The following OPCML variants were observed in gnomAD, a reference collection of about 807,000 sequenced individuals.
OPCML encodes the protein opioid binding protein/cell adhesion molecule like.
In OPCML, 13 loss-of-function variants were observed where a neutral mutation model predicts 37.8. The observed-to-expected ratio is 0.34, with a 90% CI of 0.22 to 0.55. The LOEUF is 0.55. Among genes scored for constraint, OPCML ranks in the 20% least tolerant of loss-of-function variants. The pLI is 0.91. For synonymous variants in OPCML, 176 were observed against 168.8 expected, an observed-to-expected ratio of 1.04 and a Z score of -0.33; for missense variants, 341 against 435.6, an observed-to-expected ratio of 0.78 and a Z score of 1.93.
intron 2 of OPCML, among the ~76,000 whole-genome samples, chr11:132,851,191 G>A (rs992741457): frequency 1.3e-5 from 2 of 152,202 alleles, no homozygotes; most frequent in African/African-American, 4.8e-5. Context: ...CCAATATCTT[G>A]AAATATCCTT....
chr11:132,886,724 G>A (rs773428106), intron 2 of OPCML, among the ~76,000 whole-genome samples: 19 of 152,204 alleles, frequency 1.2e-4, no homozygotes, highest in Non-Finnish European at 2.4e-4. Flanking sequence ...TGGGGGAGTC[G>A]TGGCCAGCTG....
intron 2 of OPCML, among the ~76,000 whole-genome samples, chr11:132,873,443 C>G (rs1398619544): frequency 1.3e-5 from 2 of 152,122 alleles, no homozygotes; most frequent in Non-Finnish European, 2.9e-5. Flanking sequence ...TTACTGCGCC[C>G]TTTCCCTGAG....
chr11:132,653,257 A>G (rs1225986540), intron 3 of OPCML, among the ~76,000 whole-genome samples: 1 of 152,188 alleles, frequency 6.6e-6, no homozygotes, highest in African/African-American at 2.4e-5. Context: ...CTTTCCAGGT[A>G]TGAGGATGAA....
intron 2 of OPCML, among the ~76,000 whole-genome samples, chr11:132,883,103 C>T (rs1236558755): frequency 6.6e-6 from 1 of 152,130 alleles, no homozygotes; most frequent in East Asian, 1.9e-4. Context: ...GCAAGGTACT[C>T]CCGGAAGGAA....
At chr11:133,137,910 A>G (rs1949715284) in intron 1 of OPCML, among the ~76,000 whole-genome samples, 1 of 152,190 alleles carries the variant, frequency 6.6e-6, no homozygotes, top group African/African-American at 2.4e-5. Flanking sequence ...AATTACATGC[A>G]CCAAGAAGCT....
At chr11:133,035,343 A>G (rs1415527985) in intron 1 of OPCML, among the ~76,000 whole-genome samples, 1 of 152,194 alleles carries the variant, frequency 6.6e-6, no homozygotes, top group Non-Finnish European at 1.5e-5. Flanking sequence ...CTCCATCTTC[A>G]GGTTCAGTCC....
At chr11:133,358,347 A>T (rs547311446) in intron 1 of OPCML, among the ~76,000 whole-genome samples, 187 of 152,290 alleles carry the variant, frequency 1.2e-3, no homozygotes, top group African/African-American at 4.2e-3. Flanking sequence ...CTCTGACTAG[A>T]TACTTGATAA....
intron 4 of OPCML, among the ~76,000 whole-genome samples, chr11:132,445,799 G>T (rs935051508): frequency 6.6e-6 from 1 of 152,166 alleles, no homozygotes; most frequent in Non-Finnish European, 1.5e-5. Flanking sequence ...ATGCTCCCAG[G>T]CTTCCTCTGC....
rs1946739592 is a variant in OPCML, at chr11:133,458,340, AT to A, written c.61+73923del. On this transcript the variant is annotated intron_variant, in intron 1 of 7. Coordinates refer to ENST00000524381, the MANE Select transcript of OPCML (RefSeq NM_001012393.5). ...TACACGTGTGTGTATATATATACAC[AT>A]ATATACACGTGTGTGTATATATATA... is the stretch of plus-strand genomic sequence containing the variant. Among the ~76,000 whole-genome samples the A allele has an allele frequency of 1.7e-4, 2 of 11,790 alleles. 1 individual carries two copies. Among genetic ancestry groups the A allele is most frequent in the African/African-American group, 3.0e-3 (2 of 664 alleles). 7.7% of individuals were successfully genotyped at this position (11,790 alleles called of 152,430 possible).
intron 1 of OPCML, among the ~76,000 whole-genome samples, chr11:133,451,876 C>T (rs1946586958): frequency 2.0e-5 from 3 of 151,184 alleles, no homozygotes; most frequent in Admixed American, 2.0e-4. Context: ...TCTGGCTGAT[C>T]TCTGAATGCC....
intron 3 of OPCML, among the ~76,000 whole-genome samples, chr11:132,589,994 C>T (rs2096481743): frequency 6.6e-6 from 1 of 152,084 alleles, no homozygotes; most frequent in African/African-American, 2.4e-5. Flanking sequence ...GCCAGCTGGG[C>T]TTAGTTTGCT....
At chr11:132,511,867 C>T (rs1185556602) in intron 4 of OPCML, among the ~76,000 whole-genome samples, 1 of 152,024 alleles carries the variant, frequency 6.6e-6, no homozygotes, top group African/African-American at 2.4e-5. Context: ...AATTGGACTT[C>T]ATCCAAATGT....
intron 2 of OPCML, among the ~76,000 whole-genome samples, chr11:132,786,924 A>G (rs1947233816): frequency 6.6e-6 from 1 of 152,120 alleles, no homozygotes; most frequent in South Asian, 2.1e-4. Flanking sequence ...AGTGAGAGCA[A>G]GCGTGGGGCA....
At chr11:133,431,719 C>A (rs1946119928) in intron 1 of OPCML, among the ~76,000 whole-genome samples, 2 of 151,348 alleles carry the variant, frequency 1.3e-5, no homozygotes, top group South Asian at 4.2e-4. Context: ...CCAGCCTCAG[C>A]CTCCTAAAGT....
chr11:133,337,329 C>A (rs1943764215), intron 1 of OPCML, among the ~76,000 whole-genome samples: 1 of 152,176 alleles, frequency 6.6e-6, no homozygotes, highest in Non-Finnish European at 1.5e-5. Flanking sequence ...GGCCCACTCA[C>A]CTACAGTGCT....
intron 1 of OPCML, among the ~76,000 whole-genome samples, chr11:133,216,357 T>A (rs1199031251): frequency 6.6e-6 from 1 of 152,060 alleles, no homozygotes; most frequent in Non-Finnish European, 1.5e-5. Flanking sequence ...GCATTTGATT[T>A]GAAAAAAGGT....
chr11:133,439,506 C>T (rs1391050763), intron 1 of OPCML: 9 of 926,420 alleles, frequency 9.7e-6, no homozygotes, highest in East Asian at 1.2e-4. Flanking sequence ...CTCACTCTGT[C>T]GCCCAGGCTG....
At chr11:133,049,682 T>C (rs1948093921) in intron 1 of OPCML, among the ~76,000 whole-genome samples, 1 of 152,192 alleles carries the variant, frequency 6.6e-6, no homozygotes, top group Non-Finnish European at 1.5e-5. Flanking sequence ...TGGGCAGTCT[T>C]ATAATCTGAT....
intron 1 of OPCML, among the ~76,000 whole-genome samples, chr11:133,222,645 G>T (rs1339380813): frequency 6.6e-6 from 1 of 152,242 alleles, no homozygotes; most frequent in Non-Finnish European, 1.5e-5. Flanking sequence ...AGCCCGTCCA[G>T]CTCTGTCTGG....
Sources: gnomAD v4.1 joint callset for allele counts (sites outside exome capture counted in the v4.1 genomes callset) on GRCh38, gnomAD v4.1.1 for gene constraint, MANE v1.5 for transcripts, NCBI Gene and HGNC (gene_info 2026-07-23, HGNC 2026-07-21) for gene names.